Variants in TENM3 observed in about 807,000 individuals in gnomAD.
TENM3 encodes teneurin-3.
In TENM3, 63 loss-of-function variants were observed where a neutral mutation model predicts 255.1. The observed-to-expected ratio is 0.25, with a 90% CI of 0.20 to 0.30. The LOEUF (loss-of-function observed/expected upper bound fraction) is 0.30, where lower values mean the gene tolerates loss of function less well. Ranked by LOEUF, TENM3 falls within the 10% of genes least tolerant of loss-of-function variation. The pLI, the probability that TENM3 is intolerant of heterozygous loss-of-function variation, is 1.00. For missense variants in TENM3, 2,929 were observed against 3,461.1 expected, an observed-to-expected ratio of 0.85 and a Z score of 3.86; for synonymous variants, 1,306 against 1,322.3, an observed-to-expected ratio of 0.99 and a Z score of 0.27.
At chr4:181,590,886 T>A in the TENM3 span, among the ~76,000 whole-genome samples, 1 of 152,334 alleles carries the variant, frequency 6.6e-6, no homozygotes, top group East Asian at 1.9e-4. Flanking sequence ...GTTTTACACC[T>A]AACATGGATA....
chr4:181,547,012 T>C, the TENM3 span, among the ~76,000 whole-genome samples: 9 of 152,188 alleles, frequency 5.9e-5, no homozygotes, highest in African/African-American at 1.2e-4. Flanking sequence ...CAGTAAGCCC[T>C]GCCCATGTGC....
the TENM3 span, among the ~76,000 whole-genome samples, chr4:181,654,342 G>T: frequency 3.3e-3 from 501 of 152,014 alleles, 4 homozygotes; most frequent in African/African-American, 0.011. Flanking sequence ...ACAGAGTTTT[G>T]AGACATTCGA....
chr4:182,045,681 T>C, the TENM3 span, among the ~76,000 whole-genome samples: 1 of 152,156 alleles, frequency 6.6e-6, no homozygotes, highest in Non-Finnish European at 1.5e-5. Context: ...CTTTGAAACA[T>C]GATAAAAAGC....
rs187650077 is a variant in TENM3 at position 182,330,658 on chromosome 4, A to G, written c.232+6406A>G. ...AATGCTGGGATTCAGAGACCACGTC[A>G]ACAGTGTACACACACCGTCTAAGGA... On this transcript the variant is annotated intron_variant, in intron 2 of 27. Coordinates refer to ENST00000511685, the MANE Select transcript of TENM3 (RefSeq NM_001080477.4). Among the ~76,000 whole-genome samples the G allele has an allele frequency of 7.3e-3, 1,119 of 152,368 alleles. 19 individuals carry two copies. The highest frequency in any genetic ancestry group is 0.044 in the South Asian group (213 of 4,832).
chr4:181,888,201 C>T, the TENM3 span, among the ~76,000 whole-genome samples: 3 of 151,442 alleles, frequency 2.0e-5, no homozygotes, highest in Admixed American at 6.6e-5. Flanking sequence ...GGCTAATTTT[C>T]GTATTTTTAG....
chr4:181,510,448 C>T, the TENM3 span, among the ~76,000 whole-genome samples: 4 of 152,120 alleles, frequency 2.6e-5, no homozygotes, highest in African/African-American at 9.7e-5. Context: ...CCCAGATTCT[C>T]CAAGGGGTAA....
At chr4:181,813,583 G>A in the TENM3 span, among the ~76,000 whole-genome samples, 1 of 152,102 alleles carries the variant, frequency 6.6e-6, no homozygotes, top group Non-Finnish European at 1.5e-5. Flanking sequence ...TAAGAGACCA[G>A]GAAGTAAGAT....
At chr4:181,637,949 C>A in the TENM3 span, among the ~76,000 whole-genome samples, 1 of 152,040 alleles carries the variant, frequency 6.6e-6, no homozygotes, top group Admixed American at 6.6e-5. Flanking sequence ...CAGGGTATAT[C>A]CTGCCCAGCT....
rs200299755 is a variant in TENM3, at chr4:182,773,523, C to T, written c.4944C>T (p.Val1648=). The change falls in exon 23 of 28, where the codon GTC becomes GTT. Residue 1648 remains valine, a synonymous_variant. Transcript: ENST00000511685. ...LTNVTFPTGV[V]TNLHGDMDKA... ...ATGTTACGTTTCCAACTGGAGTGGT[C>T]ACAAACCTGCATGGGGACATGGACA... 4.2e-4 allele frequency: 674 copies of T among 1,613,572 alleles called. 3 individuals are homozygous for T. Among genetic ancestry groups the T allele is most frequent in the Non-Finnish European group, 5.0e-5 (59 of 1,179,776 alleles).
At chr4:182,790,260 G>T (rs1192402690) in intron 25 of TENM3, among the ~76,000 whole-genome samples, 1 of 149,138 alleles carries the variant, frequency 6.7e-6, no homozygotes, top group Non-Finnish European at 1.5e-5. Context: ...TTACCCAGCA[G>T]CGCGTGCTAC....
At chr4:182,636,493 T>C (rs938076784) in intron 5 of TENM3, among the ~76,000 whole-genome samples, 5 of 151,868 alleles carry the variant, frequency 3.3e-5, no homozygotes, top group African/African-American at 4.8e-5. Context: ...TCCCAGCACT[T>C]TGGGAGGAGG....
the TENM3 span, among the ~76,000 whole-genome samples, chr4:181,617,140 C>T: frequency 1.9e-3 from 293 of 152,002 alleles, 1 homozygote; most frequent in African/African-American, 6.6e-3. Flanking sequence ...GTAAAATGAT[C>T]GAAAGACAGA....
At chr4:181,522,675 G>T in the TENM3 span, 1 of 638,996 alleles carries the variant, frequency 1.6e-6, no homozygotes, top group South Asian at 1.4e-5. Context: ...GCAGAATGAT[G>T]TGGACATAGC....
the TENM3 span, among the ~76,000 whole-genome samples, chr4:181,469,291 T>C: frequency 6.6e-6 from 1 of 152,136 alleles, no homozygotes; most frequent in Non-Finnish European, 1.5e-5. Flanking sequence ...TTCTTTTATA[T>C]ACATATGAAA....
chr4:181,563,539 AC>A, the TENM3 span, among the ~76,000 whole-genome samples: 1 of 152,188 alleles, frequency 6.6e-6, no homozygotes, highest in Non-Finnish European at 1.5e-5. Flanking sequence ...GAGTAATTCA[AC>A]CTGAAAAACC....
chr4:182,722,885 G>A (rs939525774), intron 13 of TENM3, among the ~76,000 whole-genome samples: 1 of 152,096 alleles, frequency 6.6e-6, no homozygotes, highest in African/African-American at 2.4e-5. Context: ...AAGAAAAGAA[G>A]CAACTGGTGA....
intron 11 of TENM3, among the ~76,000 whole-genome samples, chr4:182,686,301 G>A (rs1579110581): frequency 6.6e-6 from 1 of 151,986 alleles, no homozygotes; most frequent in Non-Finnish European, 1.5e-5. Context: ...CATAGTAAAG[G>A]TCTCAAATAT....
the TENM3 span, among the ~76,000 whole-genome samples, chr4:181,809,793 C>T: frequency 3.9e-5 from 6 of 152,108 alleles, no homozygotes; most frequent in Non-Finnish European, 2.9e-5. Context: ...GAAGCAAGAA[C>T]GCCCAAGGCA....
At chr4:182,329,779 T>C (rs1763635520) in intron 2 of TENM3, among the ~76,000 whole-genome samples, 1 of 151,858 alleles carries the variant, frequency 6.6e-6, no homozygotes, top group African/African-American at 2.4e-5. Flanking sequence ...TGGCAGCAGA[T>C]TAGTTGAAGA....
Sources: gnomAD v4.1 joint callset for allele counts (sites outside exome capture counted in the v4.1 genomes callset) on GRCh38, gnomAD v4.1.1 for gene constraint, MANE v1.5 for transcripts, NCBI Gene and HGNC (gene_info 2026-07-23, HGNC 2026-07-21) for gene names.